HSD17B3: variants seen among roughly 807,000 people sequenced by gnomAD.
HSD17B3 encodes the protein hydroxysteroid 17-beta dehydrogenase 3.
Under a neutral mutation model 41.1 loss-of-function variants are expected in HSD17B3, and 29 were observed. The observed-to-expected ratio is 0.71, with a 90% CI of 0.53 to 0.96. The LOEUF is 0.96. Among genes scored for constraint, HSD17B3 ranks in the 40% least tolerant of loss-of-function variants. The probability of loss-of-function intolerance (pLI) is 0.00; values close to 1 mark genes in which losing one functional copy is unlikely to be tolerated. For synonymous variants in HSD17B3, 126 were observed against 145.6 expected (o/e 0.87, Z 0.97); for missense variants, 323 against 374.6 (o/e 0.86, Z 1.14).
At chr9:96,249,495 C>T (rs545290803) in intron 6 of HSD17B3, 27 of 550,176 alleles carry the variant, frequency 4.9e-5, no homozygotes, top group Non-Finnish European at 7.5e-5. Context: ...CATCATCGAG[C>T]TTAGTATGTT....
chr9:96,261,607 C>A (rs566636460), intron 2 of HSD17B3, among the ~76,000 whole-genome samples: 42 of 152,312 alleles, frequency 2.8e-4, no homozygotes, highest in African/African-American at 9.4e-4. Flanking sequence ...TCGCCAGGGC[C>A]AAGGTCCTGT....
intron 6 of HSD17B3, among the ~76,000 whole-genome samples, chr9:96,249,024 G>A (rs1335767552): frequency 6.6e-6 from 1 of 151,836 alleles, no homozygotes; most frequent in Admixed American, 6.6e-5. Context: ...TCCTGCCTCA[G>A]CCTCCTGAGT....
intron 6 of HSD17B3, among the ~76,000 whole-genome samples, chr9:96,248,907 A>AT (rs11417524): frequency 0.15 from 21,200 of 142,152 alleles, 1,728 homozygotes; most frequent in East Asian, 0.38. Flanking sequence ...ATCCACAGCC[A>AT]TTTTTTTTTT....
rs571132714 is a variant in HSD17B3 at position 96,293,750 on chromosome 9, G to A, written c.201+4666C>T. 1.8e-4 allele frequency among the ~76,000 whole-genome samples: 27 copies of A among 152,152 alleles called. No homozygotes were observed. In the South Asian group the frequency reaches 4.2e-3, roughly 23 times the overall value. On this transcript the variant is annotated intron_variant, in intron 2 of 10. Coordinates refer to ENST00000375263, the MANE Select transcript of HSD17B3 (RefSeq NM_000197.2). ...ACATTCTCAAAAAATAAAAAAAGCC[G>A]TATATGTGAAAGGAATCACAGTTTA...
rs539596011 is a variant in HSD17B3 at position 96,235,456 on chromosome 9, C to T, written c.*4G>A. On this transcript the variant is annotated 3_prime_UTR_variant, in exon 11 of 11. Transcript: ENST00000375263. ...AAGGTTGTGCTGGACTCCTCACCGC[C>T]TGGCTACCTGACCTTGGTGTTGAGC... 1.2e-6 allele frequency: 2 copies of T among 1,609,302 alleles called. No homozygotes were observed. Among genetic ancestry groups the T allele is most frequent in the Admixed American group, 3.3e-5 (2 of 59,886 alleles).
At chr9:96,264,758 ACTAATT>A (rs1250784997) in intron 2 of HSD17B3, among the ~76,000 whole-genome samples, 2 of 152,226 alleles carry the variant, frequency 1.3e-5, no homozygotes, top group African/African-American at 4.8e-5. Flanking sequence ...AGTAAAGTAT[ACTAATT>A]CTAACTTTTA....
intron 2 of HSD17B3, among the ~76,000 whole-genome samples, chr9:96,272,875 C>T (rs1000522832): frequency 5.3e-5 from 8 of 152,052 alleles, no homozygotes; most frequent in Non-Finnish European, 1.0e-4. Flanking sequence ...GAATTCTACT[C>T]GGCACTAAGA....
chr9:96,236,630 A>G (rs1233799347), intron 10 of HSD17B3, among the ~76,000 whole-genome samples: 1 of 152,156 alleles, frequency 6.6e-6, no homozygotes, highest in Admixed American at 6.5e-5. Flanking sequence ...GCGCTAAGGA[A>G]ATACGTGAAG....
chr9:96,280,242 G>A (rs192317195), intron 2 of HSD17B3, among the ~76,000 whole-genome samples: 16 of 152,302 alleles, frequency 1.1e-4, no homozygotes, highest in South Asian at 4.1e-4. Context: ...GGGTCCATTC[G>A]ATTGGTTGGG....
intron 2 of HSD17B3, among the ~76,000 whole-genome samples, chr9:96,261,250 T>G (rs886519241): frequency 1.0e-5 from 1 of 95,716 alleles, no homozygotes; most frequent in African/African-American, 4.0e-5. Flanking sequence ...AATGTAAGTG[T>G]TTATTCATGA....
intron 3 of HSD17B3, among the ~76,000 whole-genome samples, chr9:96,254,554 C>A (rs1180917544): frequency 1.3e-5 from 2 of 152,200 alleles, no homozygotes; most frequent in African/African-American, 2.4e-5. Context: ...AACAGTGTAT[C>A]ATTGCACAAA....
chr9:96,292,979 G>A (rs1342029995), intron 2 of HSD17B3, among the ~76,000 whole-genome samples: 2 of 152,138 alleles, frequency 1.3e-5, no homozygotes, highest in South Asian at 2.1e-4. Flanking sequence ...AGCCATTCTC[G>A]AATGAAGAAA....
intron 9 of HSD17B3, 89 bp downstream of exon 9, chr9:96,244,240 A>G (rs2130711814): frequency 2.3e-6 from 3 of 1,298,842 alleles, no homozygotes; most frequent in Admixed American, 3.4e-5. Context: ...GGCCCCAGCC[A>G]CGGGAGGTCC....
intron 2 of HSD17B3, among the ~76,000 whole-genome samples, chr9:96,261,442 G>A (rs562267823): frequency 9.2e-5 from 14 of 152,288 alleles, no homozygotes; most frequent in South Asian, 2.1e-4. Context: ...TGATCCGCCC[G>A]CCTTGGCCTC....
chr9:96,247,027 A>T (rs559944276), intron 6 of HSD17B3, among the ~76,000 whole-genome samples: 23 of 152,272 alleles, frequency 1.5e-4, no homozygotes, highest in African/African-American at 5.3e-4. Flanking sequence ...CACCTCTTTG[A>T]TTCAACAGCA....
At position 96,258,014 on chromosome 9, in the gene HSD17B3, G is replaced by A. The variant is rs966447057; in HGVS notation, c.202-3071C>T. On this transcript the variant is annotated intron_variant, in intron 2 of 10. Coordinates refer to ENST00000375263, the MANE Select transcript of HSD17B3 (RefSeq NM_000197.2). ...TTATCAGTGGGGCTGAGCATCATTT[G>A]CTATGTTATGTGTGAATTACCAGTA... Among the ~76,000 whole-genome samples, 3 of 152,124 alleles carry A rather than the reference G, an allele frequency of 2.0e-5. No homozygotes were observed. The South Asian group carries it at 6.2e-4, about 32-fold the overall frequency.
In HSD17B3 at chr9:96,258,892, A is replaced by C. The variant is rs563625049; in HGVS notation, c.202-3949T>G. 1.5e-4 allele frequency among the ~76,000 whole-genome samples: 23 copies of C among 152,322 alleles called. No individual in the cohort carries two copies. The East Asian group carries it at 4.2e-3, about 28-fold the overall frequency. ...CTGTAACAAATAACTCTGCAATTTC[A>C]GCAGTTTAACACAAAAGAAGTCTGT... On this transcript the variant is annotated intron_variant, in intron 2 of 10. Transcript: ENST00000375263.
Position 96,235,407 on chromosome 9 carries a change from A to T in HSD17B3, c.*53T>A. On this transcript the variant is annotated 3_prime_UTR_variant, in exon 11 of 11. Transcript: ENST00000375263. ...CTGGTCTGCTCCTCTGGTCCTCTTCAGCCAGCATGGGACTGGTGAGGAAAA... is the reference window on the plus strand; with the variant it reads ...CTGGTCTGCTCCTCTGGTCCTCTTCTGCCAGCATGGGACTGGTGAGGAAAA... 7.9e-7 allele frequency: 1 copy of T among 1,261,532 alleles called. No individual in the cohort carries two copies. Among genetic ancestry groups the T allele is most frequent in the Non-Finnish European group, 1.1e-6 (1 of 871,816 alleles). 78.1% of individuals were successfully genotyped at this position (1,261,532 alleles called of 1,614,324 possible).
chr9:96,236,966 A>C (rs577615548), intron 10 of HSD17B3, among the ~76,000 whole-genome samples: 2 of 152,336 alleles, frequency 1.3e-5, no homozygotes, highest in South Asian at 4.1e-4. Flanking sequence ...GCCAGCTCAG[A>C]TCCTCAGATC....
Sources: allele counts gnomAD v4.1 joint callset (sites outside exome capture counted in the v4.1 genomes callset), GRCh38; gene constraint gnomAD v4.1.1; transcripts MANE v1.5; gene names NCBI Gene and HGNC (gene_info 2026-07-23, HGNC 2026-07-21).